Variants in NIPAL3 observed in about 807,000 individuals in gnomAD.
NIPAL3 encodes the protein NIPA like domain containing 3, also known as NIPA-like protein 3.
Under a neutral mutation model 47.2 loss-of-function variants are expected in NIPAL3, and 41 were observed. The observed-to-expected ratio is 0.87, with a 90% CI of 0.68 to 1.13. The LOEUF (loss-of-function observed/expected upper bound fraction) is 1.13. Among genes scored for constraint, NIPAL3 ranks in the 50% most tolerant of loss-of-function variants. NIPAL3 has a pLI of 0.00. For missense variants in NIPAL3, 449 were observed against 530.1 expected (o/e 0.85, Z 1.50); for synonymous variants, 194 against 209.6 (o/e 0.93, Z 0.64).
chr1:24,419,960 T>C lies in NIPAL3; in HGVS notation c.93+320T>C, dbSNP rs370337672. ...GGCTGGGCGTGGTGGTGCCCACCTG[T>C]AGTCCCAGCTACTCGGGAAGCTGAG... On this transcript the variant is annotated intron_variant, in intron 2 of 11. Coordinates refer to ENST00000374399, the MANE Select transcript of NIPAL3 (RefSeq NM_020448.5). The C allele has an allele frequency of 1.2e-4, 28 of 232,990 alleles. 1 individual carries two copies. Among genetic ancestry groups the C allele is most frequent in the Admixed American group, 1.0e-3 (18 of 17,194 alleles). The allele number at this position is 232,990 out of a possible 1,614,324, so 14.4% of individuals were successfully genotyped here. A position where few individuals can be genotyped will look rare whatever the true frequency, so the allele number is the denominator to read the frequency against.
Position 24,454,255 on chromosome 1 carries a change from C to T in NIPAL3, c.637+751C>T, listed in dbSNP as rs943392795. On this transcript the variant is annotated intron_variant, in intron 7 of 11. Transcript: ENST00000374399. The surrounding 1 kb of genome is among the most constrained non-coding windows in gnomAD (Gnocchi z 4.1). ...GGAATCCATCCTTCCTGAGGAGAAG[C>T]AGACAGAGGCGGAGGAGCAGGCTGG... 3 of 1,167,856 alleles carry T rather than the reference C, an allele frequency of 2.6e-6. No homozygotes were observed. The highest frequency in any genetic ancestry group is 3.3e-5 in the South Asian group (2 of 59,922). The allele number at this position is 1,167,856 out of a possible 1,614,324, so 72.3% of individuals were successfully genotyped here. A position where few individuals can be genotyped will look rare whatever the true frequency, so the allele number is the denominator to read the frequency against.
In NIPAL3 at chr1:24,464,078, C is replaced by G; in HGVS notation, c.979C>G (p.Pro327Ala). Residue 327 changes from proline (P) to alanine (A), a missense_variant, in exon 11 of 12, where the codon CCC becomes GCC. Coordinates refer to ENST00000374399, the MANE Select transcript of NIPAL3 (RefSeq NM_020448.5). ...VFLITRNRKK[P>A]IPFEPYISMD... ...CTTAATCACGCGTAACAGGAAGAAG[C>G]CCATTCCATTTGAGCCCTATATTTC... The G allele has an allele frequency of 6.2e-7, 1 of 1,613,676 alleles. No homozygotes were observed. The highest frequency in any genetic ancestry group is 1.1e-5 in the South Asian group (1 of 91,012).
chr1:24,466,751 A>G (rs968562471), intron 11 of NIPAL3, among the ~76,000 whole-genome samples: 3 of 152,178 alleles, frequency 2.0e-5, no homozygotes, highest in African/African-American at 4.8e-5. Flanking sequence ...GGCATTGACA[A>G]AATCCAAAAG....
chr1:24,441,065 C>T (rs1645360327), intron 3 of NIPAL3, among the ~76,000 whole-genome samples: 1 of 152,192 alleles, frequency 6.6e-6, no homozygotes, highest in Admixed American at 6.5e-5. Context: ...TCAGGGACTG[C>T]TTCTGGGAAA....
At chr1:24,448,294 C>T (rs558180431) in intron 5 of NIPAL3, among the ~76,000 whole-genome samples, 5 of 152,234 alleles carry the variant, frequency 3.3e-5, no homozygotes, top group Admixed American at 6.5e-5. Flanking sequence ...GGGGCTGGGC[C>T]GGACCTTGGA....
At chr1:24,437,253 A>G (rs992665721) in intron 2 of NIPAL3, among the ~76,000 whole-genome samples, 7 of 152,242 alleles carry the variant, frequency 4.6e-5, no homozygotes, top group African/African-American at 1.7e-4. Context: ...CTCCATCTCA[A>G]AAAAATATTG....
intron 2 of NIPAL3, among the ~76,000 whole-genome samples, chr1:24,420,830 C>T (rs879392244): frequency 7.9e-5 from 12 of 152,126 alleles, no homozygotes; most frequent in Non-Finnish European, 1.5e-4. Context: ...GGCTGTAAAC[C>T]ATGAACATCC....
intron 6 of NIPAL3, among the ~76,000 whole-genome samples, chr1:24,452,604 G>C (rs1014987650): frequency 1.3e-5 from 2 of 152,208 alleles, no homozygotes; most frequent in Middle Eastern, 3.2e-3. Flanking sequence ...GCAGACCTAA[G>C]TTCCAGCCCA....
chr1:24,433,012 T>C (rs974632544), intron 2 of NIPAL3: 1 of 152,206 alleles, frequency 6.6e-6, no homozygotes, highest in Non-Finnish European at 1.5e-5. Flanking sequence ...AGAAGCCCCA[T>C]AGTAAAGAAA....
chr1:24,425,290 T>C (rs1557487532), intron 2 of NIPAL3, among the ~76,000 whole-genome samples: 1 of 150,946 alleles, frequency 6.6e-6, no homozygotes, highest in Non-Finnish European at 1.5e-5. Context: ...TTATAAACTT[T>C]CTTAAAACAT....
At position 24,449,576 on chromosome 1, in the gene NIPAL3, G is replaced by A. The variant is rs1200038240; in HGVS notation, c.490G>A (p.Gly164Ser). The A allele has an allele frequency of 8.1e-6, 13 of 1,614,080 alleles. No homozygotes were observed. The highest frequency in any genetic ancestry group is 1.3e-5 in the African/African-American group (1 of 75,032). Residue 164 changes from glycine to serine, a missense_variant, in exon 6 of 12, where the codon GGC becomes AGC. Transcript: ENST00000374399. This position sits in a 1 kb window ranked among gnomAD's most constrained non-coding sequence, Gnocchi z 4.5. Reference protein sequence around the residue: ...FAPNSHEKMTGENVTRHLVSW... With the variant: ...FAPNSHEKMTSENVTRHLVSW... Reference sequence around the variant, plus strand: ...ACCCAACAGTCACGAGAAGATGACAGGCGAGAATGTCACCAGGCACCTCGT... The same window carrying A: ...ACCCAACAGTCACGAGAAGATGACAAGCGAGAATGTCACCAGGCACCTCGT...
chr1:24,443,561 C>T (rs1464945597), intron 4 of NIPAL3, among the ~76,000 whole-genome samples: 1 of 152,182 alleles, frequency 6.6e-6, no homozygotes, highest in East Asian at 1.9e-4. Context: ...CCTCAGAATT[C>T]TCAGTGCTTC....
Position 24,425,284 on chromosome 1 carries a change from A to G in NIPAL3, c.93+5644A>G, listed in dbSNP as rs182685506. 1.9e-3 allele frequency among the ~76,000 whole-genome samples: 294 copies of G among 151,676 alleles called. 1 individual carries two copies. The highest frequency in any genetic ancestry group is 0.017 in the South Asian group (83 of 4,782). Reference sequence around the variant, plus strand: ...TGAATGCAGCCCAACACAAATTTATAAACTTTCTTAAAACATTATGAGATT... The same window carrying G: ...TGAATGCAGCCCAACACAAATTTATGAACTTTCTTAAAACATTATGAGATT... On this transcript the variant is annotated intron_variant, in intron 2 of 11. Coordinates refer to ENST00000374399, the MANE Select transcript of NIPAL3 (RefSeq NM_020448.5).
In NIPAL3 at chr1:24,458,954, C is replaced by T. The variant is rs530011164; in HGVS notation, c.840C>T (p.Ser280=). The T allele has an allele frequency of 4.3e-6, 7 of 1,613,958 alleles. No individual in the cohort carries two copies. In the African/African-American group the frequency reaches 8.0e-5, roughly 18 times the overall value. Residue 280 remains serine (S), a synonymous_variant, in exon 9 of 12, where the codon TCC becomes TCT. Transcript: ENST00000374399. ...TTGCCAGTGTGGGCTACATTCTGTC[C>T]ACAACCATTGCTATCACAGCAGGTA... ...SLIASVGYIL[S]TTIAITAGAI...
At chr1:24,453,720 T>C (rs1415527673) in intron 7 of NIPAL3, among the ~76,000 whole-genome samples, 2 of 151,900 alleles carry the variant, frequency 1.3e-5, no homozygotes, top group Non-Finnish European at 2.9e-5. Flanking sequence ...AGGGAGAAAA[T>C]AGCACTAAAC....
At chr1:24,443,277 A>G (rs1033072987) in intron 4 of NIPAL3, among the ~76,000 whole-genome samples, 3 of 152,246 alleles carry the variant, frequency 2.0e-5, no homozygotes, top group Admixed American at 2.0e-4. Flanking sequence ...ATTAGTGAAC[A>G]ATAGCTTTTT....
intron 6 of NIPAL3, among the ~76,000 whole-genome samples, chr1:24,450,901 T>C (rs1645905352): frequency 2.6e-5 from 4 of 152,224 alleles, no homozygotes; most frequent in Admixed American, 2.6e-4. Context: ...GGGGGCTGTG[T>C]CATTTCCCAA....
At chr1:24,462,344 G>A (rs112658163) in intron 10 of NIPAL3, among the ~76,000 whole-genome samples, 107 of 152,204 alleles carry the variant, frequency 7.0e-4, no homozygotes, top group African/African-American at 2.4e-3. Flanking sequence ...AAAATGACTC[G>A]CACATGAGTA....
At chr1:24,453,976 G>A in intron 7 of NIPAL3, 5 of 452,656 alleles carry the variant, frequency 1.1e-5, no homozygotes, top group South Asian at 6.3e-5. Flanking sequence ...GATGGGTGCT[G>A]TGGAAGAGAT....
Sources: allele counts gnomAD v4.1 joint callset (sites outside exome capture counted in the v4.1 genomes callset), GRCh38; gene constraint gnomAD v4.1.1; non-coding constraint Gnocchi (gnomAD v3.1); transcripts MANE v1.5; gene names NCBI Gene and HGNC (gene_info 2026-07-23, HGNC 2026-07-21).